SLC10A1: variants seen among roughly 807,000 people sequenced by gnomAD.
SLC10A1 encodes solute carrier family 10 member 1.
In SLC10A1, 36 loss-of-function variants were observed where a neutral mutation model predicts 20.5. That is an observed-to-expected ratio of 1.75 (90% CI 1.34 to 2.32). SLC10A1 has a LOEUF of 2.32. Ranked by LOEUF, SLC10A1 falls within the 30% of genes most tolerant of loss-of-function variation. SLC10A1 has a pLI of 0.00. For synonymous variants in SLC10A1, 188 were observed against 163.6 expected (o/e 1.15, Z -1.14); for missense variants, 545 against 439.1 (o/e 1.24, Z -2.16).
chr14:69,777,604 TTAAAA>T (rs1323110698), intron 4 of SLC10A1, among the ~76,000 whole-genome samples: 2 of 95,956 alleles, frequency 2.1e-5, no homozygotes, highest in South Asian at 3.6e-4. Flanking sequence ...TTTTTTTTTT[TTAAAA>T]TTGGTGTTAA....
At chr14:69,792,728 C>T (rs767760599) in intron 1 of SLC10A1, among the ~76,000 whole-genome samples, 2 of 151,250 alleles carry the variant, frequency 1.3e-5, no homozygotes, top group Non-Finnish European at 2.9e-5. Context: ...AGAAGCGAGA[C>T]GTAAAATCCA....
Position 69,797,157 on chromosome 14 carries a change from C to G in SLC10A1, c.-2G>C, listed in dbSNP as rs375278315. On this transcript the variant is annotated 5_prime_UTR_variant, in exon 1 of 5. Transcript: ENST00000216540. ...GGCAGACGCGTTGTGGGCCTCCATC[C>G]TCCTGTGAGGCAGTGGAAGACCACT... The G allele has an allele frequency of 6.2e-7, 1 of 1,603,736 alleles. No homozygotes were observed. The highest frequency in any genetic ancestry group is 1.3e-5 in the African/African-American group (1 of 74,928).
Position 69,797,046 on chromosome 14 carries a change from A to T in SLC10A1, c.110T>A (p.Phe37Tyr). The change falls in exon 1 of 5, where the codon TTC (phenylalanine) becomes TAC (tyrosine). Residue 37 changes from phenylalanine (F) to tyrosine (Y), a missense_variant. By Grantham distance (22) the Phe-to-Tyr change is conservative (BLOSUM62 3). Transcript: ENST00000216540. ...GGTGCAGCCCAGCGAGAGCATGATG[A>T]AGAACAACATGAACACCAGGATGAC... ...LSVILVFMLF[F>Y]IMLSLGCTME... The T allele has an allele frequency of 1.9e-6, 3 of 1,614,170 alleles. No individual in the cohort carries two copies. Among genetic ancestry groups the T allele is most frequent in the Non-Finnish European group, 2.5e-6 (3 of 1,180,026 alleles).
At chr14:69,778,719 A>G (rs1379222976) in intron 3 of SLC10A1, among the ~76,000 whole-genome samples, 190 bp from the exon 4 acceptor site, 2 of 151,978 alleles carry the variant, frequency 1.3e-5, no homozygotes, top group East Asian at 1.9e-4. Flanking sequence ...CCTTCATTCA[A>G]TTTTTTTCAA....
intron 2 of SLC10A1, among the ~76,000 whole-genome samples, chr14:69,784,874 G>C (rs951062391): frequency 2.0e-5 from 3 of 152,162 alleles, no homozygotes; most frequent in Admixed American, 6.5e-5. Flanking sequence ...TCCTCCAGCA[G>C]GCGGGAAGGG....
intron 1 of SLC10A1, among the ~76,000 whole-genome samples, chr14:69,790,718 G>C (rs908202872): frequency 1.3e-5 from 2 of 151,872 alleles, no homozygotes; most frequent in African/African-American, 2.4e-5. Context: ...TTTAACAAGA[G>C]GAATAAAGCA....
At chr14:69,795,496 C>T (rs1410954276) in intron 1 of SLC10A1, among the ~76,000 whole-genome samples, 2 of 149,928 alleles carry the variant, frequency 1.3e-5, no homozygotes, top group Admixed American at 6.7e-5. Context: ...GCCTTGAACT[C>T]GTAGGCTCAA....
intron 2 of SLC10A1, among the ~76,000 whole-genome samples, chr14:69,783,400 G>A (rs1426745063): frequency 6.6e-6 from 1 of 152,166 alleles, no homozygotes; most frequent in Non-Finnish European, 1.5e-5. Context: ...GGAGTGAATA[G>A]GACAAGCATC....
rs201184437 is a variant in SLC10A1 at position 69,776,218 on chromosome 14, C to A, written c.*64G>T. 2.2e-4 allele frequency: 271 copies of A among 1,206,650 alleles called. 2 individuals carry two copies. The Admixed American group carries it at 4.9e-3, about 22-fold the overall frequency. The allele number at this position is 1,206,650 out of a possible 1,614,324, so 74.7% of individuals were successfully genotyped here. On this transcript the variant is annotated 3_prime_UTR_variant, in exon 5 of 5. Coordinates refer to ENST00000216540, the MANE Select transcript of SLC10A1 (RefSeq NM_003049.4). ...AAGACTGGTGTTTTTGCTGCTCTCTCTAGTTTACCACACTGGCTTTCAGAA... is the reference window on the plus strand; with the variant it reads ...AAGACTGGTGTTTTTGCTGCTCTCTATAGTTTACCACACTGGCTTTCAGAA...
chr14:69,782,786 C>T (rs1282189503), intron 2 of SLC10A1, among the ~76,000 whole-genome samples: 1 of 141,068 alleles, frequency 7.1e-6, no homozygotes, highest in Non-Finnish European at 1.5e-5. Context: ...CCAACCTGGG[C>T]GACAGAGTGA....
chr14:69,778,681 G>T, intron 3 of SLC10A1, 152 bp from the exon 4 acceptor site: 1 of 617,686 alleles, frequency 1.6e-6, no homozygotes, highest in South Asian at 2.8e-5. Flanking sequence ...GGATACCTTT[G>T]GTGTCTGGAT....
intron 1 of SLC10A1, among the ~76,000 whole-genome samples, chr14:69,796,192 C>A (rs536701482): frequency 6.6e-6 from 1 of 152,136 alleles, no homozygotes; most frequent in Admixed American, 6.5e-5. Flanking sequence ...ATGGGGCTGG[C>A]CTATCTGGAG....
At chr14:69,787,419 T>C (rs1457573429) in intron 1 of SLC10A1, among the ~76,000 whole-genome samples, 1 of 152,192 alleles carries the variant, frequency 6.6e-6, no homozygotes, top group Non-Finnish European at 1.5e-5. Flanking sequence ...AGTGGGAAGA[T>C]GGTTGGGAGG....
At chr14:69,790,377 T>G (rs1883809652) in intron 1 of SLC10A1, among the ~76,000 whole-genome samples, 1 of 152,048 alleles carries the variant, frequency 6.6e-6, no homozygotes. Flanking sequence ...AGCTGGAGAA[T>G]GATATTACGA....
chr14:69,787,076 G>A (rs994805825), intron 1 of SLC10A1, among the ~76,000 whole-genome samples: 3 of 152,232 alleles, frequency 2.0e-5, no homozygotes, highest in African/African-American at 7.2e-5. Flanking sequence ...TGTTGAGTAA[G>A]TGACAAGATA....
intron 2 of SLC10A1, 138 bp from the exon 3 acceptor site, chr14:69,779,498 T>A (rs1191743145): frequency 5.0e-6 from 3 of 596,998 alleles, no homozygotes; most frequent in Middle Eastern, 4.0e-4. Context: ...GAAAGACCTT[T>A]ATCTTCTTTT....
intron 1 of SLC10A1, among the ~76,000 whole-genome samples, chr14:69,789,843 C>A (rs1178863440): frequency 1.3e-5 from 2 of 150,228 alleles, no homozygotes; most frequent in Non-Finnish European, 3.0e-5. Context: ...ATGAGAAAAA[C>A]CCAATAAAAA....
rs1265033575 is a variant in SLC10A1 at position 69,778,130 on chromosome 14, A to G, written c.943+203T>C. Among the ~76,000 whole-genome samples, 5 of 152,180 alleles carry G rather than the reference A, an allele frequency of 3.3e-5. No homozygotes were observed. The East Asian group carries it at 9.6e-4, about 29-fold the overall frequency. On this transcript the variant is annotated intron_variant, in intron 4 of 4. Coordinates refer to ENST00000216540, the MANE Select transcript of SLC10A1 (RefSeq NM_003049.4). ...CATCTGCAATTTCATTCTCCCAGCT[A>G]GAAGGAAGAAATGGAGTGCAGTTGA...
At chr14:69,796,629 C>T (rs1882390299) in intron 1 of SLC10A1, among the ~76,000 whole-genome samples, 171 bp downstream of exon 1, 1 of 152,198 alleles carries the variant, frequency 6.6e-6, no homozygotes, top group Non-Finnish European at 1.5e-5. Context: ...CAACTCCTGC[C>T]CCCATCCCAG....
Sources: gnomAD v4.1 joint callset for allele counts (sites outside exome capture counted in the v4.1 genomes callset) on GRCh38, gnomAD v4.1.1 for gene constraint, MANE v1.5 for transcripts, NCBI Gene and HGNC (gene_info 2026-07-23, HGNC 2026-07-21) for gene names.